The following DLGAP2 variants were observed in gnomAD, a reference collection of about 807,000 sequenced individuals.
The protein encoded by DLGAP2 is DLG associated protein 2, also known as disks large-associated protein 2.
Under a neutral mutation model 100.3 loss-of-function variants are expected in DLGAP2, and 26 were observed. The ratio of observed to expected loss-of-function variants is 0.26; its 90% CI spans 0.19 to 0.36. DLGAP2 has a LOEUF of 0.36. Among genes scored for constraint, DLGAP2 ranks in the 10% least tolerant of loss-of-function variants. The pLI, the probability that DLGAP2 is intolerant of heterozygous loss-of-function variation, is 1.00. For synonymous variants in DLGAP2, 886 were observed against 630.1 expected, an observed-to-expected ratio of 1.41 and a Z score of -6.08; for missense variants, 1,858 against 1,453.2, an observed-to-expected ratio of 1.28 and a Z score of -4.53.
At chr8:1,262,992 G>A (rs1231383542) in intron 3 of DLGAP2, among the ~76,000 whole-genome samples, 3 of 152,044 alleles carry the variant, frequency 2.0e-5, no homozygotes, top group Non-Finnish European at 2.9e-5. Context: ...TGGTGGGGCC[G>A]GGAGAATGTA....
intron 6 of DLGAP2, among the ~76,000 whole-genome samples, chr8:1,606,747 A>G (rs534305387): frequency 2.6e-5 from 4 of 152,218 alleles, no homozygotes; most frequent in South Asian, 4.1e-4. Context: ...CAGTGGCACA[A>G]TCTCGGCTCA....
At chr8:1,465,466 G>C (rs1425709561) in intron 3 of DLGAP2, among the ~76,000 whole-genome samples, 1 of 152,112 alleles carries the variant, frequency 6.6e-6, no homozygotes, top group Admixed American at 6.5e-5. Context: ...TAATTTGCTA[G>C]AGTGGCTCCC....
intron 4 of DLGAP2, among the ~76,000 whole-genome samples, chr8:1,506,997 A>G (rs539334359): frequency 6.6e-6 from 1 of 152,352 alleles, no homozygotes; most frequent in African/African-American, 2.4e-5. Flanking sequence ...TGGTGCATCT[A>G]CAAACCTTTT....
chr8:794,040 G>C (rs1320270535), intron 1 of DLGAP2, among the ~76,000 whole-genome samples: 1 of 151,954 alleles, frequency 6.6e-6, no homozygotes, highest in African/African-American at 2.4e-5. Flanking sequence ...GTCCCTGGTG[G>C]CGTGAGTGAG....
chr8:1,170,491 C>T (rs1332184615), intron 2 of DLGAP2, among the ~76,000 whole-genome samples: 1 of 151,852 alleles, frequency 6.6e-6, no homozygotes, highest in East Asian at 1.9e-4. Context: ...TGGTAGAATT[C>T]GGCTGTGAAT....
At chr8:1,022,470 G>T (rs532724007) in intron 2 of DLGAP2, among the ~76,000 whole-genome samples, 1 of 116,630 alleles carries the variant, frequency 8.6e-6, no homozygotes, top group African/African-American at 3.4e-5. Context: ...CACTCCAGCC[G>T]CCATCCATCC....
intron 4 of DLGAP2, among the ~76,000 whole-genome samples, chr8:1,525,365 C>G (rs1291555489): frequency 6.6e-6 from 1 of 151,920 alleles, no homozygotes; most frequent in Admixed American, 6.5e-5. Flanking sequence ...TTGGATTTTT[C>G]TGAATGAAAT....
intron 2 of DLGAP2, among the ~76,000 whole-genome samples, chr8:1,197,238 T>C (rs12677158): frequency 3.4e-3 from 178 of 53,100 alleles, no homozygotes; most frequent in African/African-American, 9.4e-3. Flanking sequence ...CTTCTGGAAA[T>C]GCCATCACAG....
chr8:1,067,604 C>CGTGT (rs3220190), intron 2 of DLGAP2, among the ~76,000 whole-genome samples: 10,516 of 140,278 alleles, frequency 0.075, 422 homozygotes, highest in Middle Eastern at 0.095. Context: ...GGTTGAGTGA[C>CGTGT]GTGTGTGTGT....
At chr8:832,975 C>T (rs189606722) in intron 1 of DLGAP2, among the ~76,000 whole-genome samples, 78 of 152,310 alleles carry the variant, frequency 5.1e-4, no homozygotes, top group Admixed American at 4.6e-4. Flanking sequence ...TGGTTTCTCA[C>T]ACAGCACACT....
intron 2 of DLGAP2, among the ~76,000 whole-genome samples, chr8:1,066,573 G>A (rs1249924177): frequency 2.0e-5 from 3 of 150,290 alleles, no homozygotes; most frequent in Non-Finnish European, 4.4e-5. Context: ...GTCTGAGTGA[G>A]GGCAGCTCCC....
intron 4 of DLGAP2, among the ~76,000 whole-genome samples, chr8:1,532,834 C>T (rs911678011): frequency 6.6e-6 from 1 of 152,138 alleles, no homozygotes; most frequent in African/African-American, 2.4e-5. Flanking sequence ...AGGAATTGAA[C>T]TCACAAAAAG....
chr8:1,543,001 G>A (rs1180712842), intron 4 of DLGAP2, among the ~76,000 whole-genome samples: 4 of 152,128 alleles, frequency 2.6e-5, no homozygotes, highest in East Asian at 3.9e-4. Context: ...TTCGCCGTTA[G>A]GACATCTTCT....
intron 2 of DLGAP2, among the ~76,000 whole-genome samples, chr8:930,438 C>A (rs377481640): frequency 6.6e-6 from 1 of 152,224 alleles, no homozygotes; most frequent in South Asian, 2.1e-4. Context: ...GCACACACAG[C>A]ATGATGTAAC....
chr8:852,618 G>A (rs954705458), intron 1 of DLGAP2, among the ~76,000 whole-genome samples: 4 of 152,162 alleles, frequency 2.6e-5, no homozygotes, highest in Non-Finnish European at 4.4e-5. Flanking sequence ...TATAAATTGC[G>A]GACAGAGTGT....
chr8:1,378,593 C>G (rs1796019617), intron 3 of DLGAP2, among the ~76,000 whole-genome samples: 1 of 151,916 alleles, frequency 6.6e-6, no homozygotes, highest in Admixed American at 6.6e-5. Flanking sequence ...ACCTGTCCAT[C>G]CTGCTCACAC....
At chr8:1,155,051 G>A (rs73528488) in intron 2 of DLGAP2, among the ~76,000 whole-genome samples, 2,793 of 152,236 alleles carry the variant, frequency 0.018, 77 homozygotes, top group African/African-American at 0.061. Flanking sequence ...CCTCTGCCTG[G>A]GCACCAGCAC....
At chr8:1,093,097 G>A (rs913718500) in intron 2 of DLGAP2, among the ~76,000 whole-genome samples, 1 of 152,172 alleles carries the variant, frequency 6.6e-6, no homozygotes, top group Non-Finnish European at 1.5e-5. Flanking sequence ...TTCCTCCTTG[G>A]GGACCGCACG....
At chr8:1,424,453 A>T (rs1030892761) in intron 3 of DLGAP2, among the ~76,000 whole-genome samples, 38 of 152,232 alleles carry the variant, frequency 2.5e-4, no homozygotes, top group African/African-American at 7.0e-4. Flanking sequence ...AAAATGTTCA[A>T]TTGTGTATAG....
Sources: gnomAD v4.1 joint callset for allele counts (sites outside exome capture counted in the v4.1 genomes callset) on GRCh38, gnomAD v4.1.1 for gene constraint, MANE v1.5 for transcripts, NCBI Gene and HGNC (gene_info 2026-07-23, HGNC 2026-07-21) for gene names.